Variants in ERCC8 observed in about 807,000 individuals in gnomAD.
The protein encoded by ERCC8 is DNA excision repair protein ERCC-8.
Under a neutral mutation model 54.9 loss-of-function variants are expected in ERCC8, and 52 were observed. The observed-to-expected ratio is 0.95, with a 90% CI of 0.76 to 1.19. ERCC8 has a LOEUF of 1.19. Ranked by LOEUF, ERCC8 falls within the 50% of genes most tolerant of loss-of-function variation. The pLI is 0.00. For missense variants in ERCC8, 514 were observed against 466.1 expected, an observed-to-expected ratio of 1.10 and a Z score of -0.95; for synonymous variants, 146 against 157.2, an observed-to-expected ratio of 0.93 and a Z score of 0.53.
At chr5:60,934,820 T>C (rs1580048584) in intron 1 of ERCC8, among the ~76,000 whole-genome samples, 2 of 152,210 alleles carry the variant, frequency 1.3e-5, no homozygotes, top group South Asian at 4.1e-4. Flanking sequence ...TTGAATAGGG[T>C]GTCCTTTCCC....
chr5:60,937,971 CTACA>C (rs1409530036), intron 1 of ERCC8, among the ~76,000 whole-genome samples: 1 of 148,496 alleles, frequency 6.7e-6, no homozygotes, highest in Non-Finnish European at 1.5e-5. Flanking sequence ...CTTAAGATGG[CTACA>C]TATTCTTTTT....
At chr5:60,906,546 T>C (rs947965570) in intron 4 of ERCC8, among the ~76,000 whole-genome samples, 4 of 151,822 alleles carry the variant, frequency 2.6e-5, no homozygotes, top group African/African-American at 7.3e-5. Flanking sequence ...CTGGCCAACA[T>C]GGTGAAACTC....
At chr5:60,885,705 A>AT (rs990105601) in intron 11 of ERCC8, among the ~76,000 whole-genome samples, 2 of 152,194 alleles carry the variant, frequency 1.3e-5, no homozygotes, top group African/African-American at 4.8e-5. Flanking sequence ...ATCAAAAGGT[A>AT]TTTTTTTCTC....
At chr5:60,941,823 G>T (rs930401041) in intron 1 of ERCC8, among the ~76,000 whole-genome samples, 1 of 152,118 alleles carries the variant, frequency 6.6e-6, no homozygotes, top group African/African-American at 2.4e-5. Context: ...GAGGCATCAG[G>T]AATAAAGAGA....
At chr5:60,939,412 G>C (rs1282456754) in intron 1 of ERCC8, among the ~76,000 whole-genome samples, 3 of 152,028 alleles carry the variant, frequency 2.0e-5, no homozygotes, top group African/African-American at 7.2e-5. Flanking sequence ...ATATTTCTAT[G>C]GACCTTAGCA....
chr5:60,881,588 G>A (rs914615917), intron 11 of ERCC8, among the ~76,000 whole-genome samples: 36 of 152,302 alleles, frequency 2.4e-4, no homozygotes, highest in South Asian at 4.2e-4. Flanking sequence ...CCTGGCTGCC[G>A]CCTTGCAGTT....
intron 1 of ERCC8, among the ~76,000 whole-genome samples, chr5:60,938,069 A>T (rs1580051393): frequency 5.4e-5 from 1 of 18,378 alleles, no homozygotes; most frequent in Non-Finnish European, 1.1e-4. Flanking sequence ...ATATATATAT[A>T]TATATATATA....
At chr5:60,906,989 T>A (rs1052764697) in intron 4 of ERCC8, among the ~76,000 whole-genome samples, 6 of 152,166 alleles carry the variant, frequency 3.9e-5, no homozygotes, top group African/African-American at 1.4e-4. Flanking sequence ...AAAAAGGCCA[T>A]GAGCCAGACT....
In ERCC8 at chr5:60,873,440, C is replaced by T. The variant is rs188154053; in HGVS notation, c.*1175G>A. ...TTATAATTCCAGCACTTTGAGAGGC[C>T]GAGGCGGGTGGATCATTTGAGGTCA... On this transcript the variant is annotated 3_prime_UTR_variant, in exon 12 of 12. Transcript: ENST00000676185. Among the ~76,000 whole-genome samples, 4 of 152,200 alleles carry T rather than the reference C, an allele frequency of 2.6e-5. No homozygotes were observed. The highest frequency in any genetic ancestry group is 3.9e-4 in the East Asian group (2 of 5,184).
At chr5:60,892,092 C>T in intron 9 of ERCC8, 1 of 529,552 alleles carries the variant, frequency 1.9e-6, no homozygotes, top group Admixed American at 2.0e-5. Flanking sequence ...TCTCCATGAT[C>T]CTCTGCAGTA....
chr5:60,895,565 A>G (rs1579999385), intron 9 of ERCC8, among the ~76,000 whole-genome samples: 1 of 152,340 alleles, frequency 6.6e-6, no homozygotes, highest in African/African-American at 2.4e-5. Context: ...AATAATCCAT[A>G]TGAAAGCACC....
At chr5:60,880,065 T>C (rs1054341649) in intron 11 of ERCC8, among the ~76,000 whole-genome samples, 15 of 152,192 alleles carry the variant, frequency 9.9e-5, no homozygotes, top group Non-Finnish European at 1.8e-4. Context: ...GGCCTGGTGG[T>C]GACAAAATCT....
At chr5:60,908,350 G>T (rs547840842) in intron 4 of ERCC8, among the ~76,000 whole-genome samples, 1 of 151,802 alleles carries the variant, frequency 6.6e-6, no homozygotes, top group African/African-American at 2.4e-5. Context: ...GCACAAATCT[G>T]TATATTCAGT....
At chr5:60,905,100 C>T (rs1305144751) in intron 4 of ERCC8, among the ~76,000 whole-genome samples, 1 of 152,044 alleles carries the variant, frequency 6.6e-6, no homozygotes, top group Non-Finnish European at 1.5e-5. Context: ...CCCAATAAAT[C>T]CCAGAAATTA....
At chr5:60,921,798 A>G (rs1467768772) in intron 3 of ERCC8, among the ~76,000 whole-genome samples, 1 of 151,948 alleles carries the variant, frequency 6.6e-6, no homozygotes, top group Non-Finnish European at 1.5e-5. Context: ...AGAAGGACAT[A>G]ATCACAAGTT....
intron 9 of ERCC8, among the ~76,000 whole-genome samples, chr5:60,891,498 T>C (rs1748552800): frequency 6.6e-6 from 1 of 152,122 alleles, no homozygotes; most frequent in South Asian, 2.1e-4. Context: ...AAAAGAATAA[T>C]ATTTTTTGGG....
intron 11 of ERCC8, among the ~76,000 whole-genome samples, chr5:60,885,211 T>A (rs1277405179): frequency 6.6e-6 from 1 of 151,940 alleles, no homozygotes; most frequent in African/African-American, 2.4e-5. Flanking sequence ...ATGGGGTCTT[T>A]CTATGTTGCG....
At chr5:60,878,261 G>T (rs1320329810) in intron 11 of ERCC8, among the ~76,000 whole-genome samples, 1 of 152,192 alleles carries the variant, frequency 6.6e-6, no homozygotes, top group Non-Finnish European at 1.5e-5. Flanking sequence ...TGTGCTGCTG[G>T]ATTCAGTTTG....
rs1012181755 is a variant in ERCC8 at position 60,876,724 on chromosome 5, GTTGT to G, written c.1123-2045_1123-2042del. The stretch of plus-strand genomic sequence containing the variant: ...TATCCTTCGTCCACTTTTTGATGGG[GTTGT>G]TTGTTTTTTTCTTGTAAATTTGTTT... On this transcript the variant is annotated intron_variant, in intron 11 of 11. Transcript: ENST00000676185. Among the ~76,000 whole-genome samples the G allele has an allele frequency of 1.1e-3, 171 of 152,296 alleles. 1 individual carries two copies. Among genetic ancestry groups the G allele is most frequent in the African/African-American group, 3.6e-3 (151 of 41,564 alleles).
Sources: allele counts gnomAD v4.1 joint callset (sites outside exome capture counted in the v4.1 genomes callset), GRCh38; gene constraint gnomAD v4.1.1; transcripts MANE v1.5; gene names NCBI Gene and HGNC (gene_info 2026-07-23, HGNC 2026-07-21).